CFAP47: variants seen among roughly 807,000 people sequenced by gnomAD.
The protein encoded by CFAP47 is cilia- and flagella-associated protein 47.
CFAP47 carries 29 observed loss-of-function variants against 148.1 expected under a neutral mutation model. The observed-to-expected ratio is 0.20, with a 90% CI of 0.15 to 0.27. The LOEUF is 0.27. CFAP47 is among the 10% of genes least tolerant of loss of function. CFAP47 has a pLI of 1.00. For missense variants in CFAP47, 1,872 were observed against 1,697.5 expected (o/e 1.10, Z -1.81); for synonymous variants, 664 against 577.3 (o/e 1.15, Z -2.15).
chrX:36,127,971 T>C (rs767126513), intron 33 of CFAP47, among the ~76,000 whole-genome samples: 28 of 111,271 alleles, frequency 2.5e-4, no homozygotes, highest in Admixed American at 1.1e-3. Flanking sequence ...TGAATTTGCT[T>C]ATCAGCTTAA....
chrX:36,314,629 G>A (rs781839580), intron 56 of CFAP47, among the ~76,000 whole-genome samples: 2 of 111,412 alleles, frequency 1.8e-5, no homozygotes, highest in African/African-American at 3.3e-5. Flanking sequence ...CTTAAAATAT[G>A]TAAGGAGGCA....
At chrX:35,955,098 C>T (rs1936224284) in intron 7 of CFAP47, among the ~76,000 whole-genome samples, 1 of 112,276 alleles carries the variant, frequency 8.9e-6, no homozygotes, top group Non-Finnish European at 1.9e-5. Context: ...CAAGTCTCCA[C>T]TCTTTCCTCC....
chrX:36,003,855 A>G (rs1259744542), intron 21 of CFAP47, among the ~76,000 whole-genome samples: 2 of 110,842 alleles, frequency 1.8e-5, no homozygotes, highest in Non-Finnish European at 3.8e-5. Flanking sequence ...ATGATTCTAT[A>G]TATAGAAAAT....
At position 36,194,197 on chromosome X, in the gene CFAP47, T is replaced by C. The variant is rs910992487; in HGVS notation, c.6321+4001T>C. Among the ~76,000 whole-genome samples the C allele has an allele frequency of 3.6e-5, 4 of 111,775 alleles. No homozygotes were observed. The Admixed American group carries it at 3.8e-4, about 11-fold the overall frequency. On this transcript the variant is annotated intron_variant, in intron 42 of 63. Coordinates refer to ENST00000378653, the MANE Select transcript of CFAP47 (RefSeq NM_001304548.2). ...AACATAGTTTAATTCACCAACAGTATACAGCCAATTTTCTAGGCAGAGAGA... is the reference window on the plus strand; with the variant it reads ...AACATAGTTTAATTCACCAACAGTACACAGCCAATTTTCTAGGCAGAGAGA...
intron 33 of CFAP47, among the ~76,000 whole-genome samples, chrX:36,135,411 A>G (rs1939026628): frequency 8.9e-6 from 1 of 111,870 alleles, no homozygotes; most frequent in African/African-American, 3.2e-5. Context: ...TTGGTGAATG[A>G]ATACCTCATC....
At chrX:35,997,988 T>A (rs765958785) in intron 19 of CFAP47, among the ~76,000 whole-genome samples, 90 of 111,285 alleles carry the variant, frequency 8.1e-4, no homozygotes, top group Non-Finnish European at 1.1e-3. Context: ...TGAACATTTA[T>A]ATGCTTATCT....
At chrX:35,924,300 C>T (rs111213542) in intron 1 of CFAP47, among the ~76,000 whole-genome samples, 26,122 of 100,392 alleles carry the variant, frequency 0.26, 4,420 homozygotes, top group African/African-American at 0.59. Context: ...TATGTGTACA[C>T]ATATGTATAT....
chrX:36,036,968 T>A (rs1937345511), intron 24 of CFAP47, among the ~76,000 whole-genome samples: 1 of 112,597 alleles, frequency 8.9e-6, no homozygotes, highest in African/African-American at 3.2e-5. Flanking sequence ...TAAAAATGTT[T>A]AATCTTTTTA....
At chrX:36,203,173 G>A (rs781953840) in intron 44 of CFAP47, among the ~76,000 whole-genome samples, 23 of 111,377 alleles carry the variant, frequency 2.1e-4, no homozygotes, top group South Asian at 7.5e-4. Flanking sequence ...TGACTGCACC[G>A]TGCTTCTAAG....
intron 26 of CFAP47, among the ~76,000 whole-genome samples, chrX:36,060,330 C>G (rs1601953584): frequency 9.0e-6 from 1 of 111,673 alleles, no homozygotes; most frequent in Admixed American, 9.6e-5. Context: ...CATTAAAAAT[C>G]TGTTATATTT....
At position 36,022,373 on chromosome X, in the gene CFAP47, T is replaced by A. The variant is rs143659612; in HGVS notation, c.3556+7461T>A. ...CATGTTGGAGCTCCTATGTATCTTA[T>A]TTGTTTCTTCTCTTTTGTCTGCTTT... On this transcript the variant is annotated intron_variant, in intron 22 of 63. Coordinates refer to ENST00000378653, the MANE Select transcript of CFAP47 (RefSeq NM_001304548.2). Among the ~76,000 whole-genome samples the A allele has an allele frequency of 3.1e-4, 35 of 111,984 alleles. No homozygotes were observed. In the East Asian group the frequency reaches 9.6e-3, roughly 31 times the overall value.
At chrX:36,262,515 A>G (rs1388188969) in intron 49 of CFAP47, among the ~76,000 whole-genome samples, 1 of 111,811 alleles carries the variant, frequency 8.9e-6, no homozygotes, top group East Asian at 2.8e-4. Flanking sequence ...ACGATCTCCA[A>G]TTGCATCTAT....
At chrX:35,957,037 C>T (rs1012397282) in intron 8 of CFAP47, among the ~76,000 whole-genome samples, 2 of 108,868 alleles carry the variant, frequency 1.8e-5, no homozygotes, top group African/African-American at 6.7e-5. Flanking sequence ...GGTGAAACCC[C>T]GTCTCTACTA....
chrX:36,159,036 G>A lies in CFAP47; in HGVS notation c.5787-390G>A, dbSNP rs1016537712. Among the ~76,000 whole-genome samples, 7 of 111,774 alleles carry A rather than the reference G, an allele frequency of 6.3e-5. No homozygotes were observed. The Admixed American group carries it at 6.7e-4, about 11-fold the overall frequency. On this transcript the variant is annotated intron_variant, in intron 37 of 63. Transcript: ENST00000378653. ...AGTTTTGAATGTTATTTTCACTAAT[G>A]ATTTTATGCATTTTTTGAATTTTTA...
intron 22 of CFAP47, among the ~76,000 whole-genome samples, chrX:36,027,086 ATATATATATATGATTATATATATGTGAT>A (rs1422423457): frequency 1.1e-3 from 113 of 102,839 alleles, no homozygotes; most frequent in African/African-American, 3.8e-3. Flanking sequence ...ATCTGTCATC[ATATATATATATGATTATATATATGTGAT>A]TATATATATA....
intron 30 of CFAP47, 131 bp downstream of exon 30, chrX:36,085,669 A>AC (rs1310051650): frequency 8.4e-5 from 26 of 309,626 alleles, no homozygotes; most frequent in African/African-American, 6.5e-4. Flanking sequence ...ACACACACAT[A>AC]AATATACACA....
At chrX:36,259,287 G>A (rs1464172197) in intron 49 of CFAP47, among the ~76,000 whole-genome samples, 2 of 111,097 alleles carry the variant, frequency 1.8e-5, no homozygotes, top group East Asian at 2.8e-4. Context: ...AAAAATCTGT[G>A]TGAGAAACTG....
chrX:36,306,831 T>G lies in CFAP47; in HGVS notation c.8142T>G (p.Leu2714=). 6.0e-6 allele frequency: 7 copies of G among 1,158,332 alleles called. No homozygotes were observed. The highest frequency in any genetic ancestry group is 8.1e-6 in the Non-Finnish European group (7 of 865,841). Residue 2714 remains leucine (L), a synonymous_variant, in exon 55 of 64, where the codon CTT becomes CTG. Coordinates refer to ENST00000378653, the MANE Select transcript of CFAP47 (RefSeq NM_001304548.2). ...ELPVLFYPSA[L]GRADHQACIN... ...CTGTTCTCTTTTATCCTTCTGCACTTGGAAGAGCTGATCATCAAGCTTGCA... is the reference window on the plus strand; with the variant it reads ...CTGTTCTCTTTTATCCTTCTGCACTGGGAAGAGCTGATCATCAAGCTTGCA...
chrX:36,349,145 A>G (rs1481956684), intron 58 of CFAP47, among the ~76,000 whole-genome samples: 4 of 112,226 alleles, frequency 3.6e-5, no homozygotes, highest in Non-Finnish European at 7.5e-5. Flanking sequence ...AGGCCTTCTA[A>G]GGATGGGATC....
Sources: gnomAD v4.1 joint callset for allele counts (sites outside exome capture counted in the v4.1 genomes callset) on GRCh38, gnomAD v4.1.1 for gene constraint, MANE v1.5 for transcripts, NCBI Gene and HGNC (gene_info 2026-07-23, HGNC 2026-07-21) for gene names.